Variants in AP3S2 observed in about 807,000 individuals in gnomAD.
The protein encoded by AP3S2 is adaptor related protein complex 3 subunit sigma 2, also known as AP-3 complex subunit sigma-2.
AP3S2 carries 22 observed loss-of-function variants against 23.4 expected under a neutral mutation model. The ratio of observed to expected loss-of-function variants is 0.94; its 90% confidence interval spans 0.67 to 1.34. AP3S2 has a LOEUF of 1.34. AP3S2 is among the 40% of genes most tolerant of loss of function. The pLI is 0.00. For missense variants in AP3S2, 241 were observed against 236.9 expected (o/e 1.02, Z -0.11); for synonymous variants, 86 against 87.1 (o/e 0.99, Z 0.07).
At chr15:89,880,236 C>A (rs1251431755) in intron 3 of AP3S2, among the ~76,000 whole-genome samples, 1 of 152,030 alleles carries the variant, frequency 6.6e-6, no homozygotes, top group African/African-American at 2.4e-5. Context: ...TAATTCACTT[C>A]TAATTATAAT....
chr15:89,851,074 G>C (rs1895640353), intron 4 of AP3S2, among the ~76,000 whole-genome samples: 1 of 152,170 alleles, frequency 6.6e-6, no homozygotes, highest in Non-Finnish European at 1.5e-5. Flanking sequence ...AGATTGTTAA[G>C]AGCTGGAAGA....
In AP3S2 at chr15:89,881,547, T is replaced by C. The variant is rs148612808; in HGVS notation, c.273+6974A>G. Among the ~76,000 whole-genome samples the C allele has an allele frequency of 4.7e-3, 723 of 152,288 alleles. 3 individuals are homozygous for C. The highest frequency in any genetic ancestry group is 0.016 in the African/African-American group (678 of 41,548). ...CATCCAGATTTTAGAGTTATTGAAGTGTGATAAAATGCGCACCTTAGAATA... is the reference window on the plus strand; with the variant it reads ...CATCCAGATTTTAGAGTTATTGAAGCGTGATAAAATGCGCACCTTAGAATA... On this transcript the variant is annotated intron_variant, in intron 3 of 5. Transcript: ENST00000336418.
rs901103625 is a variant in AP3S2 at position 89,835,155 on chromosome 15, G to A, written c.*360C>T. ...CTCAGCCCTAGTGAGGAGGTTCTGG[G>A]AAGCAGGTGGGCCTGCTCAATGCAG... On this transcript the variant is annotated 3_prime_UTR_variant, in exon 6 of 6. Transcript: ENST00000336418. The A allele has an allele frequency of 3.8e-5, 12 of 316,772 alleles. No homozygotes were observed. Among genetic ancestry groups the A allele is most frequent in the Admixed American group, 1.9e-4 (4 of 21,352 alleles). The allele number at this position is 316,772 out of a possible 1,614,324, so 19.6% of individuals were successfully genotyped here. A position where few individuals can be genotyped will look rare whatever the true frequency, so the allele number is the denominator to read the frequency against.
In AP3S2 at chr15:89,893,977, C is replaced by T. The variant is rs574947291; in HGVS notation, c.-28G>A. The T allele has an allele frequency of 5.8e-6, 9 of 1,549,110 alleles. No individual in the cohort carries two copies. Among genetic ancestry groups the T allele is most frequent in the Non-Finnish European group, 7.0e-6 (8 of 1,145,980 alleles). On this transcript the variant is annotated 5_prime_UTR_variant, in exon 1 of 6. Transcript: ENST00000336418. ...TTGCCAGCCACGGTTCTCTCAGCAC[C>T]GGCTACTCCCAGAAAGCTCCTCCTT... is the stretch of plus-strand genomic sequence containing the variant.
intron 4 of AP3S2, among the ~76,000 whole-genome samples, chr15:89,860,047 G>A (rs766978037): frequency 6.6e-6 from 1 of 152,190 alleles, no homozygotes; most frequent in Non-Finnish European, 1.5e-5. Flanking sequence ...TTACAGGCAT[G>A]AGCCATCATG....
At chr15:89,848,392 G>A (rs1413557302) in intron 4 of AP3S2, among the ~76,000 whole-genome samples, 1 of 152,152 alleles carries the variant, frequency 6.6e-6, no homozygotes, top group East Asian at 1.9e-4. Context: ...ACAGAGTCTC[G>A]CTCTGTCGCC....
intron 4 of AP3S2, among the ~76,000 whole-genome samples, chr15:89,870,196 C>T (rs1221936495): frequency 6.6e-6 from 1 of 152,164 alleles, no homozygotes; most frequent in Non-Finnish European, 1.5e-5. Context: ...CTCTCCTTGA[C>T]AGAAGTTGCA....
At chr15:89,880,470 T>G (rs1896544187) in intron 3 of AP3S2, among the ~76,000 whole-genome samples, 1 of 151,994 alleles carries the variant, frequency 6.6e-6, no homozygotes, top group East Asian at 1.9e-4. Flanking sequence ...GTCAGGAGTT[T>G]GAGACCAGCC....
At chr15:89,868,020 C>G (rs1184884207) in intron 4 of AP3S2, among the ~76,000 whole-genome samples, 1 of 141,452 alleles carries the variant, frequency 7.1e-6, no homozygotes, top group African/African-American at 2.6e-5. Flanking sequence ...GCCAGCCGCC[C>G]CGTCCAGGAG....
intron 3 of AP3S2, among the ~76,000 whole-genome samples, chr15:89,880,332 C>T (rs1045618019): frequency 2.0e-5 from 3 of 151,998 alleles, no homozygotes; most frequent in Non-Finnish European, 2.9e-5. Context: ...TATCAGAGAA[C>T]GTACTGAAAA....
At position 89,837,717 on chromosome 15, in the gene AP3S2, G is replaced by C. The variant is rs879017766; in HGVS notation, c.351C>G (p.His117Gln). 2 of 1,613,956 alleles carry C rather than the reference G, an allele frequency of 1.2e-6. No individual in the cohort carries two copies. The highest frequency in any genetic ancestry group is 2.7e-5 in the African/African-American group (2 of 74,914). Residue 117 changes from histidine (H) to glutamine (Q), a missense_variant, in exon 5 of 6, where the codon CAC becomes CAG. Coordinates refer to ENST00000336418, the MANE Select transcript of AP3S2 (RefSeq NM_005829.5). ...CCATCACCACCTCCTGGAGGATGTA[G>C]TGCACCTAAAAGGGAAGCAAAAATC... is the stretch of plus-strand genomic sequence containing the variant. Reference protein sequence around the residue: ...LDLIFHMDKVHYILQEVVMGG... With the variant: ...LDLIFHMDKVQYILQEVVMGG...
chr15:89,843,185 T>C (rs1003005103), intron 4 of AP3S2, among the ~76,000 whole-genome samples: 2 of 150,822 alleles, frequency 1.3e-5, no homozygotes, highest in African/African-American at 4.9e-5. Context: ...GGTTTCTCCA[T>C]GTTGGTCAGG....
chr15:89,839,054 G>A (rs954181152), intron 4 of AP3S2, among the ~76,000 whole-genome samples: 21 of 152,198 alleles, frequency 1.4e-4, no homozygotes, highest in African/African-American at 5.1e-4. Flanking sequence ...AGCATCCCTG[G>A]TCTCTACTCC....
intron 3 of AP3S2, among the ~76,000 whole-genome samples, chr15:89,880,091 G>A (rs1896535663): frequency 6.6e-6 from 1 of 150,598 alleles, no homozygotes; most frequent in East Asian, 2.0e-4. Context: ...GATATTATAA[G>A]CCAGGATCTA....
chr15:89,874,240 T>G (rs988841114), intron 3 of AP3S2, among the ~76,000 whole-genome samples: 4 of 152,136 alleles, frequency 2.6e-5, no homozygotes, highest in Non-Finnish European at 5.9e-5. Context: ...TTTCCGCAGA[T>G]GTCTGATAAT....
chr15:89,839,664 T>C (rs898732187), intron 4 of AP3S2, among the ~76,000 whole-genome samples: 1 of 152,286 alleles, frequency 6.6e-6, no homozygotes, highest in African/African-American at 2.4e-5. Flanking sequence ...CTTTTGGATA[T>C]ACACTCAAAA....
chr15:89,842,819 G>T (rs1452741136), intron 4 of AP3S2, among the ~76,000 whole-genome samples: 1 of 152,076 alleles, frequency 6.6e-6, no homozygotes, highest in African/African-American at 2.4e-5. Flanking sequence ...TACCATGTTG[G>T]CCAGGATGGT....
At chr15:89,857,745 C>G (rs1378980859) in intron 4 of AP3S2, among the ~76,000 whole-genome samples, 1 of 152,152 alleles carries the variant, frequency 6.6e-6, no homozygotes, top group Non-Finnish European at 1.5e-5. Flanking sequence ...TTAACTTTTC[C>G]TCTAAGAAAA....
rs1895093355 is a variant in AP3S2 at position 89,832,239 on chromosome 15, G to C, written c.*3276C>G. 6.6e-6 allele frequency: 1 copy of C among 152,190 alleles called. No individual in the cohort carries two copies. Among genetic ancestry groups the C allele is most frequent in the African/African-American group, 2.4e-5 (1 of 41,444 alleles). The allele number at this position is 152,190 out of a possible 1,614,324, so 9.4% of individuals were successfully genotyped here. A position where few individuals can be genotyped will look rare whatever the true frequency, so the allele number is the denominator to read the frequency against. On this transcript the variant is annotated 3_prime_UTR_variant, in exon 6 of 6. Transcript: ENST00000336418. ...GCGGGAGGATGGCTTGAGGTAAGGAGTTAGAGACCAGCCTGTGCAACATAG... is the reference window on the plus strand; with the variant it reads ...GCGGGAGGATGGCTTGAGGTAAGGACTTAGAGACCAGCCTGTGCAACATAG...
Sources: allele counts gnomAD v4.1 joint callset (sites outside exome capture counted in the v4.1 genomes callset), GRCh38; gene constraint gnomAD v4.1.1; transcripts MANE v1.5; gene names NCBI Gene and HGNC (gene_info 2026-07-23, HGNC 2026-07-21).